The following ITGB1BP1 variants were observed in gnomAD, a reference collection of about 807,000 sequenced individuals.
ITGB1BP1 encodes integrin beta-1-binding protein 1.
ITGB1BP1 carries 20 observed loss-of-function variants against 28.0 expected under a neutral mutation model. That is an observed-to-expected ratio of 0.71 (90% CI 0.50 to 1.04). The LOEUF (loss-of-function observed/expected upper bound fraction) is 1.04, where lower values mean the gene tolerates loss of function less well. ITGB1BP1 is among the 50% of genes least tolerant of loss of function. The probability of loss-of-function intolerance (pLI) is 0.00; values close to 1 mark genes in which losing one functional copy is unlikely to be tolerated. For missense variants in ITGB1BP1, 228 were observed against 242.5 expected, an observed-to-expected ratio of 0.94 and a Z score of 0.40; for synonymous variants, 103 against 89.5, an observed-to-expected ratio of 1.15 and a Z score of -0.85.
rs970870439 is a variant in ITGB1BP1, at chr2:9,412,135, T to C, written c.288+134A>G. The C allele has an allele frequency of 1.6e-5, 11 of 700,604 alleles. No homozygotes were observed. In the African/African-American group the frequency reaches 2.0e-4, roughly 13 times the overall value. The allele number at this position is 700,604 out of a possible 1,614,324, so 43.4% of individuals were successfully genotyped here. On this transcript the variant is annotated intron_variant, in intron 4 of 6. Transcript: ENST00000355346. ...CAGCGCTCACGCACATGTGCGGTGG[T>C]GATGCGGGGACTTCAGTCGAGAGCA...
intron 2 of ITGB1BP1, among the ~76,000 whole-genome samples, chr2:9,417,508 C>T (rs997634787): frequency 1.3e-5 from 2 of 152,092 alleles, no homozygotes; most frequent in African/African-American, 4.8e-5. Context: ...CAACCTTCGA[C>T]TCCTGGTTCA....
In ITGB1BP1 at chr2:9,408,213, G is replaced by A; in HGVS notation, c.289-8C>T. On this transcript the variant is annotated splice_region_variant and splice_polypyrimidine_tract_variant and intron_variant, in intron 4 of 6. Transcript: ENST00000355346. ...AGGCAACTTTCCATCTTGCTTTAAA[G>A]TAAAAATAAATTCCATGATAAAGAT... 6.6e-7 allele frequency: 1 copy of A among 1,506,428 alleles called. No homozygotes were observed. The highest frequency in any genetic ancestry group is 9.2e-7 in the Non-Finnish European group (1 of 1,084,956). The allele number at this position is 1,506,428 out of a possible 1,614,324, so 93.3% of individuals were successfully genotyped here.
chr2:9,407,548 G>A lies in ITGB1BP1; in HGVS notation c.432C>T (p.Tyr144=), dbSNP rs200349700. 225 of 1,614,078 alleles carry A rather than the reference G, an allele frequency of 1.4e-4. No homozygotes were observed. Among genetic ancestry groups the A allele is most frequent in the Non-Finnish European group, 1.7e-4 (202 of 1,180,008 alleles). ...TTTTTCCCGCCCCCAGACCGTCATC[G>A]TAACACACCATCCGGATTATTAAGT... The part of the protein sequence containing the change: ...ALYLIIRMVC[Y]DDGLGAGKSL... Residue 144 remains tyrosine (Y), a synonymous_variant, in exon 6 of 7, where the codon TAC becomes TAT. Coordinates refer to ENST00000355346, the MANE Select transcript of ITGB1BP1 (RefSeq NM_004763.5).
rs1677060651 is a variant in ITGB1BP1 at position 9,404,734 on chromosome 2, A to G, written c.*2100T>C. 1 of 140,220 alleles carries G rather than the reference A, an allele frequency of 7.1e-6. No individual in the cohort carries two copies. Among genetic ancestry groups the G allele is most frequent in the Non-Finnish European group, 1.5e-5 (1 of 67,036 alleles). 8.7% of individuals were successfully genotyped at this position (140,220 alleles called of 1,614,324 possible). ...TTGTCTTTATTATGCAAGACTGTGTAGAGTTTTTTTTTTTTTTGGCATTGT... is the reference window on the plus strand; with the variant it reads ...TTGTCTTTATTATGCAAGACTGTGTGGAGTTTTTTTTTTTTTTGGCATTGT... On this transcript the variant is annotated 3_prime_UTR_variant, in exon 7 of 7. Transcript: ENST00000355346.
intron 4 of ITGB1BP1, chr2:9,411,951 A>C: frequency 4.4e-6 from 1 of 224,782 alleles, no homozygotes; most frequent in Non-Finnish European, 8.6e-6. Context: ...CTGAGGCAGG[A>C]GAATTGCTTG....
chr2:9,421,545 T>C (rs549507955), intron 1 of ITGB1BP1, among the ~76,000 whole-genome samples: 51 of 151,992 alleles, frequency 3.4e-4, no homozygotes, highest in South Asian at 1.5e-3. Context: ...AAATTGGCTG[T>C]GCGTGGTGGT....
At chr2:9,411,113 A>G (rs1678316536) in intron 4 of ITGB1BP1, among the ~76,000 whole-genome samples, 2 of 152,130 alleles carry the variant, frequency 1.3e-5, no homozygotes, top group South Asian at 4.1e-4. Flanking sequence ...TACAGATTTT[A>G]TAACATTTCA....
chr2:9,412,254 A>ATTTTTTTT lies in ITGB1BP1; in HGVS notation c.288+7_288+14dup. ...ACTCTCATAACCAGAGAGTTACGGA[A>ATTTTTTTT]TTTTTTTTTTTTACCTGGGCAACGT... On this transcript the variant is annotated intron_variant, in intron 4 of 6. Transcript: ENST00000355346. 1 of 1,395,064 alleles carries ATTTTTTTT rather than the reference A, an allele frequency of 7.2e-7. No individual in the cohort carries two copies. The highest frequency in any genetic ancestry group is 9.8e-7 in the Non-Finnish European group (1 of 1,022,234). 86.4% of individuals were successfully genotyped at this position (1,395,064 alleles called of 1,614,324 possible). A position where few individuals can be genotyped will look rare whatever the true frequency, so the allele number is the denominator to read the frequency against.
chr2:9,421,736 C>G (rs543517560), intron 1 of ITGB1BP1, among the ~76,000 whole-genome samples: 1 of 152,064 alleles, frequency 6.6e-6, no homozygotes, highest in Non-Finnish European at 1.5e-5. Context: ...GCCAATGATC[C>G]TGATTGGCGA....
intron 2 of ITGB1BP1, among the ~76,000 whole-genome samples, chr2:9,417,232 T>G (rs965160340): frequency 2.4e-4 from 37 of 152,006 alleles, no homozygotes; most frequent in African/African-American, 8.4e-4. Context: ...GCCACGCTGG[T>G]CTCCCTGCTG....
rs985251332 is a variant in ITGB1BP1, at chr2:9,419,983, T to C, written c.-35-1251A>G. ...ATTCTCCAGAGAGAACAAGAAAATCTGCTTACTATAGAATTGAACACTATT... is the reference window on the plus strand; with the variant it reads ...ATTCTCCAGAGAGAACAAGAAAATCCGCTTACTATAGAATTGAACACTATT... On this transcript the variant is annotated intron_variant, in intron 1 of 6. Transcript: ENST00000355346. 4.3e-5 allele frequency: 35 copies of C among 810,912 alleles called. No individual in the cohort carries two copies. The African/African-American group carries it at 6.1e-4, about 14-fold the overall frequency. 50.2% of individuals were successfully genotyped at this position (810,912 alleles called of 1,614,324 possible).
In ITGB1BP1 at chr2:9,408,162, A is replaced by G; in HGVS notation, c.332T>C (p.Ile111Thr). ...LPFVPPEEEF[I>T]MGVSKYGIKV... is the part of the protein sequence containing the mutation. ...TATGCCATACTTGGAAACTCCCATA[A>G]TAAATTCTTCCTCCGGAGGAACAAA... The change falls in exon 5 of 7, where the codon ATT (isoleucine) becomes ACT (threonine). Residue 111 changes from isoleucine to threonine, a missense_variant. Transcript: ENST00000355346. The G allele has an allele frequency of 6.2e-7, 1 of 1,602,562 alleles. No homozygotes were observed. The highest frequency in any genetic ancestry group is 8.5e-7 in the Non-Finnish European group (1 of 1,169,838).
At chr2:9,416,586 T>C (rs891976449) in intron 2 of ITGB1BP1, among the ~76,000 whole-genome samples, 2 of 152,132 alleles carry the variant, frequency 1.3e-5, no homozygotes, top group Non-Finnish European at 2.9e-5. Context: ...GCCCCCACAG[T>C]CACATCAGCC....
At chr2:9,414,442 A>G (rs1678868073) in intron 2 of ITGB1BP1, among the ~76,000 whole-genome samples, 186 bp from the exon 3 acceptor site, 1 of 152,240 alleles carries the variant, frequency 6.6e-6, no homozygotes, top group African/African-American at 2.4e-5. Flanking sequence ...TCAAAAAAAA[A>G]ACCACATAAT....
In ITGB1BP1 at chr2:9,423,307, C is replaced by T. The variant is rs1211256316; in HGVS notation, c.-36+66G>A. Reference sequence around the variant, plus strand: ...CCTTCCTGGCCGTCCGCGCCGCTCTCGGGACCGTGTTCCCGTCAGGCCTCC... The same window carrying T: ...CCTTCCTGGCCGTCCGCGCCGCTCTTGGGACCGTGTTCCCGTCAGGCCTCC... On this transcript the variant is annotated intron_variant, in intron 1 of 6. Transcript: ENST00000355346. 3.3e-6 allele frequency: 4 copies of T among 1,223,838 alleles called. No homozygotes were observed. In the South Asian group the frequency reaches 5.4e-5, roughly 17 times the overall value. The allele number at this position is 1,223,838 out of a possible 1,614,324, so 75.8% of individuals were successfully genotyped here.
intron 4 of ITGB1BP1, among the ~76,000 whole-genome samples, chr2:9,411,124 C>T (rs1040728225): frequency 6.6e-6 from 1 of 151,992 alleles, no homozygotes; most frequent in Non-Finnish European, 1.5e-5. Context: ...TAACATTTCA[C>T]GTTTATATAT....
In ITGB1BP1 at chr2:9,418,616, AT is replaced by A; in HGVS notation, c.72+9del. 1.3e-6 allele frequency: 2 copies of A among 1,576,380 alleles called. No individual in the cohort carries two copies. The highest frequency in any genetic ancestry group is 1.7e-6 in the Non-Finnish European group (2 of 1,145,686). ...GCTTTATGATTCTGTTCCAAATTCC[AT>A]TTCCCTACCTTGCTCTTAGTACTGA... On this transcript the variant is annotated intron_variant, in intron 2 of 6. Coordinates refer to ENST00000355346, the MANE Select transcript of ITGB1BP1 (RefSeq NM_004763.5).
chr2:9,405,075 AATAAAG>A lies in ITGB1BP1; in HGVS notation c.*1753_*1758del, dbSNP rs1677099417. ...ACCACCTGGTGCCAGCTATATAAGG[AATAAAG>A]TTGATTCATATCAACATTAGAACTC... is the stretch of plus-strand genomic sequence containing the variant. On this transcript the variant is annotated 3_prime_UTR_variant, in exon 7 of 7. Transcript: ENST00000355346. 2.6e-5 allele frequency: 4 copies of A among 152,642 alleles called. 1 individual carries two copies. The South Asian group carries it at 8.3e-4, about 32-fold the overall frequency. 9.5% of individuals were successfully genotyped at this position (152,642 alleles called of 1,614,324 possible).
At chr2:9,408,318 T>A in intron 4 of ITGB1BP1, 113 bp from the exon 5 acceptor site, 1 of 674,678 alleles carries the variant, frequency 1.5e-6, no homozygotes, top group African/African-American at 1.8e-5. Context: ...TTAAAGAATG[T>A]GGGGTACACA....
Sources: allele counts gnomAD v4.1 joint callset (sites outside exome capture counted in the v4.1 genomes callset), GRCh38; gene constraint gnomAD v4.1.1; transcripts MANE v1.5; gene names NCBI Gene and HGNC (gene_info 2026-07-23, HGNC 2026-07-21).